Variants in RBFOX1 observed in about 807,000 individuals in gnomAD.
RBFOX1 encodes the protein RNA binding fox-1 homolog 1, also known as RNA binding protein fox-1 homolog 1.
A neutral mutation model predicts 57.7 loss-of-function variants in RBFOX1; 8 were observed. The ratio of observed to expected loss-of-function variants is 0.14; its 90% confidence interval spans 0.08 to 0.25. The LOEUF is 0.25. Ranked by LOEUF, RBFOX1 falls within the 10% of genes least tolerant of loss-of-function variation. The pLI is 1.00. For missense variants in RBFOX1, 611 were observed against 548.5 expected, an observed-to-expected ratio of 1.11 and a Z score of -1.14; for synonymous variants, 326 against 222.4, an observed-to-expected ratio of 1.47 and a Z score of -4.15.
intron 3 of RBFOX1, among the ~76,000 whole-genome samples, chr16:6,868,658 G>A (rs966558376): frequency 2.0e-5 from 3 of 152,084 alleles, no homozygotes; most frequent in African/African-American, 7.2e-5. Context: ...TTTTCCTAGA[G>A]ATAGGGTTTC....
intron 4 of RBFOX1, among the ~76,000 whole-genome samples, chr16:5,980,862 C>A (rs1198515996): frequency 2.6e-5 from 4 of 152,152 alleles, no homozygotes; most frequent in Non-Finnish European, 4.4e-5. Flanking sequence ...ACGCTGTCGT[C>A]CTGCCATTTC....
intron 4 of RBFOX1, among the ~76,000 whole-genome samples, chr16:7,283,733 T>C (rs767263242): frequency 6.6e-6 from 1 of 152,188 alleles, no homozygotes; most frequent in African/African-American, 2.4e-5. Flanking sequence ...AGAAAGGATC[T>C]CTTCTGGACT....
At chr16:7,223,577 G>T (rs2092889308) in intron 4 of RBFOX1, among the ~76,000 whole-genome samples, 1 of 152,144 alleles carries the variant, frequency 6.6e-6, no homozygotes, top group Non-Finnish European at 1.5e-5. Flanking sequence ...TTGTGCAGGA[G>T]ATCCAACTCA....
At chr16:7,408,365 A>G (rs556879605) in intron 4 of RBFOX1, among the ~76,000 whole-genome samples, 31 of 152,354 alleles carry the variant, frequency 2.0e-4, no homozygotes, top group African/African-American at 7.5e-4. Context: ...AATTTTAAAA[A>G]ATGTTAGACT....
At position 6,019,749 on chromosome 16, in the gene RBFOX1, G is replaced by C; in HGVS notation, c.-370G>C. The C allele has an allele frequency of 7.3e-7, 1 of 1,377,710 alleles. No individual in the cohort carries two copies. The highest frequency in any genetic ancestry group is 9.4e-7 in the Non-Finnish European group (1 of 1,064,958). 85.3% of individuals were successfully genotyped at this position (1,377,710 alleles called of 1,614,324 possible). On this transcript the variant is annotated 5_prime_UTR_variant, in exon 1 of 16. Transcript: ENST00000550418. This position sits in a 1 kb window ranked among gnomAD's most constrained non-coding sequence, Gnocchi z 4.2. ...CGCGCCCGGGATTGAGAGTCCTTGCGCTCCAGACCCCCACCCAGTGGCCGC... is the reference window on the plus strand; with the variant it reads ...CGCGCCCGGGATTGAGAGTCCTTGCCCTCCAGACCCCCACCCAGTGGCCGC...
intron 1 of RBFOX1, among the ~76,000 whole-genome samples, chr16:5,343,956 T>G (rs1238264490): frequency 6.6e-6 from 1 of 152,206 alleles, no homozygotes; most frequent in Non-Finnish European, 1.5e-5. Context: ...TAAGAACGCT[T>G]GAGCATATGT....
intron 4 of RBFOX1, among the ~76,000 whole-genome samples, chr16:7,299,993 T>G (rs10163350): frequency 0.31 from 47,001 of 152,124 alleles, 8,254 homozygotes; most frequent in African/African-American, 0.48. Flanking sequence ...GTGAGGCTTA[T>G]GCAATAAGAT....
At chr16:7,375,303 T>G (rs57900579) in intron 4 of RBFOX1, among the ~76,000 whole-genome samples, 2,315 of 152,314 alleles carry the variant, frequency 0.015, 63 homozygotes, top group African/African-American at 0.053. Context: ...GCCATCTTAT[T>G]AGTCTCAAGG....
At chr16:5,705,788 C>G (rs1474845609) in intron 3 of RBFOX1, among the ~76,000 whole-genome samples, 2 of 152,220 alleles carry the variant, frequency 1.3e-5, no homozygotes, top group East Asian at 3.8e-4. Flanking sequence ...GATACCGCAT[C>G]TGTGTGCGAG....
chr16:7,609,936 G>A (rs1053387345), intron 10 of RBFOX1, among the ~76,000 whole-genome samples: 7 of 151,464 alleles, frequency 4.6e-5, no homozygotes, highest in African/African-American at 1.7e-4. Flanking sequence ...TCCTGCCTCA[G>A]CCTCCTGAGT....
chr16:7,198,592 C>G (rs1353733684), intron 4 of RBFOX1, among the ~76,000 whole-genome samples: 1 of 152,112 alleles, frequency 6.6e-6, no homozygotes, highest in African/African-American at 2.4e-5. Context: ...GCTGGAAAGT[C>G]CAAGAGCATG....
At chr16:7,704,523 C>G (rs2081809865) in intron 14 of RBFOX1, among the ~76,000 whole-genome samples, 1 of 152,168 alleles carries the variant, frequency 6.6e-6, no homozygotes, top group Non-Finnish European at 1.5e-5. Flanking sequence ...ATGAGTGTCT[C>G]TCCCAGGCCC....
intron 5 of RBFOX1, among the ~76,000 whole-genome samples, chr16:7,543,078 C>A (rs2083403402): frequency 6.6e-6 from 1 of 152,098 alleles, no homozygotes; most frequent in Non-Finnish European, 1.5e-5. Context: ...TTAGGTGGAC[C>A]AAGCATGGTA....
chr16:5,964,536 T>C (rs2059807539), intron 4 of RBFOX1, among the ~76,000 whole-genome samples: 1 of 152,182 alleles, frequency 6.6e-6, no homozygotes, highest in Admixed American at 6.6e-5. Flanking sequence ...GAGATACTTG[T>C]ATACATAGAT....
chr16:5,674,389 G>A (rs531830917), intron 3 of RBFOX1, among the ~76,000 whole-genome samples: 2 of 152,174 alleles, frequency 1.3e-5, no homozygotes, highest in Non-Finnish European at 2.9e-5. Flanking sequence ...TGCAAGTGGG[G>A]GAGCTGAAGT....
intron 3 of RBFOX1, among the ~76,000 whole-genome samples, chr16:7,039,156 A>C (rs926868595): frequency 4.6e-5 from 7 of 152,210 alleles, no homozygotes; most frequent in African/African-American, 1.7e-4. Flanking sequence ...ATGCTCCATA[A>C]AGTATTCCCG....
intron 2 of RBFOX1, among the ~76,000 whole-genome samples, chr16:6,381,244 G>A (rs1251207582): frequency 6.6e-6 from 1 of 152,190 alleles, no homozygotes; most frequent in Non-Finnish European, 1.5e-5. Flanking sequence ...ATTGCGTAGT[G>A]ATGAGGTCTA....
At chr16:6,114,613 T>C (rs2096480339) in intron 1 of RBFOX1, among the ~76,000 whole-genome samples, 1 of 152,188 alleles carries the variant, frequency 6.6e-6, no homozygotes, top group South Asian at 2.1e-4. Context: ...TTTAGTTCAG[T>C]CTTTCTGATA....
intron 3 of RBFOX1, among the ~76,000 whole-genome samples, chr16:6,864,117 A>G (rs2059504034): frequency 6.6e-6 from 1 of 152,074 alleles, no homozygotes; most frequent in African/African-American, 2.4e-5. Context: ...AAGAAAGCGA[A>G]GGAGTCTCTT....
Sources: allele counts gnomAD v4.1 joint callset (sites outside exome capture counted in the v4.1 genomes callset), GRCh38; gene constraint gnomAD v4.1.1; non-coding constraint Gnocchi (gnomAD v3.1); transcripts MANE v1.5; gene names NCBI Gene and HGNC (gene_info 2026-07-23, HGNC 2026-07-21).